The following FABP6 variants were observed in gnomAD, a reference collection of about 807,000 sequenced individuals.
FABP6 encodes the protein gastrotropin.
Under a neutral mutation model 14.9 loss-of-function variants are expected in FABP6, and 13 were observed. The ratio of observed to expected loss-of-function variants is 0.87; its 90% confidence interval spans 0.57 to 1.39. FABP6 has a LOEUF of 1.39. Among genes scored for constraint, FABP6 ranks in the 40% most tolerant of loss-of-function variants. The probability of loss-of-function intolerance (pLI) is 0.00; values close to 1 mark genes in which losing one functional copy is unlikely to be tolerated. For missense variants in FABP6, 161 were observed against 167.2 expected (o/e 0.96, Z 0.20); for synonymous variants, 75 against 63.6 (o/e 1.18, Z -0.85).
At chr5:160,202,252 A>G (rs2113079689) in intron 2 of FABP6, among the ~76,000 whole-genome samples, 1 of 152,290 alleles carries the variant, frequency 6.6e-6, no homozygotes, top group Non-Finnish European at 1.5e-5. Context: ...CAGCATAGAA[A>G]AGGGACCTGA....
intron 1 of FABP6, among the ~76,000 whole-genome samples, chr5:160,194,211 C>T (rs1041558470): frequency 9.8e-5 from 15 of 152,382 alleles, no homozygotes; most frequent in African/African-American, 3.1e-4. Flanking sequence ...ACCAAGCCCA[C>T]GCCCACCGGC....
At chr5:160,189,381 A>G (rs1266840057) in intron 1 of FABP6, among the ~76,000 whole-genome samples, 1 of 151,938 alleles carries the variant, frequency 6.6e-6, no homozygotes, top group African/African-American at 2.4e-5. Context: ...AGCTGGGATT[A>G]CAGGCGCCCA....
intron 1 of FABP6, among the ~76,000 whole-genome samples, chr5:160,191,106 A>AT (rs1554111168): frequency 6.7e-6 from 1 of 148,844 alleles, no homozygotes; most frequent in African/African-American, 2.5e-5. Flanking sequence ...AAAAAAAAAA[A>AT]GCAAATCAGA....
At chr5:160,194,163 G>A (rs946370289) in intron 1 of FABP6, among the ~76,000 whole-genome samples, 2 of 152,212 alleles carry the variant, frequency 1.3e-5, no homozygotes, top group African/African-American at 2.4e-5. Flanking sequence ...ATTGCCCGGG[G>A]CCAGCAGGGC....
Position 160,192,742 on chromosome 5 carries a change from C to A in FABP6, c.-59+5288C>A, listed in dbSNP as rs79084673. On this transcript the variant is annotated intron_variant, in intron 1 of 6. Transcript: ENST00000393980. ...ACAGTAAGGCCAGGCAAGGCGCATG[C>A]GCCCAGGTTCTACTGAAAGGCCGTC... is the stretch of plus-strand genomic sequence containing the variant. Among the ~76,000 whole-genome samples, 109 of 152,344 alleles carry A rather than the reference C, an allele frequency of 7.2e-4. 1 individual carries two copies. Among genetic ancestry groups the A allele is most frequent in the African/African-American group, 2.3e-3 (96 of 41,592 alleles).
In FABP6 at chr5:160,195,455, GTC is replaced by G. The variant is rs529090742; in HGVS notation, c.-58-3582_-58-3581del. ...CTGCCAAGCCTCAAACTTTTTTTCT[GTC>G]TCTCTCTCTCTTTTTGAGACAGGGA... On this transcript the variant is annotated intron_variant, in intron 1 of 6. Transcript: ENST00000393980. 7.2e-5 allele frequency among the ~76,000 whole-genome samples: 11 copies of G among 151,814 alleles called. No individual in the cohort carries two copies. The South Asian group carries it at 2.1e-3, about 29-fold the overall frequency.
chr5:160,193,133 G>C (rs1759432390), intron 1 of FABP6, among the ~76,000 whole-genome samples: 1 of 152,160 alleles, frequency 6.6e-6, no homozygotes, highest in African/African-American at 2.4e-5. Flanking sequence ...TCTTAAGGTG[G>C]CACGTCTGGA....
intron 2 of FABP6, among the ~76,000 whole-genome samples, chr5:160,202,894 C>T (rs1415956077): frequency 1.3e-5 from 2 of 151,840 alleles, no homozygotes; most frequent in Middle Eastern, 3.2e-3. Context: ...AATGGGGTAA[C>T]CAGAGAAGCT....
chr5:160,235,128 A>G (rs889796708), intron 3 of FABP6, among the ~76,000 whole-genome samples: 1 of 152,188 alleles, frequency 6.6e-6, no homozygotes, highest in African/African-American at 2.4e-5. Flanking sequence ...AAGCACAGGG[A>G]TAAGTGAGGG....
chr5:160,226,398 A>T (rs1760247767), upstream of FABP6, among the ~76,000 whole-genome samples: 1 of 151,328 alleles, frequency 6.6e-6, no homozygotes, highest in East Asian at 2.0e-4. Context: ...CGTCTCTACT[A>T]AAGATACAGA....
chr5:160,220,962 G>A (rs1561751136), intron 3 of FABP6, among the ~76,000 whole-genome samples: 1 of 151,760 alleles, frequency 6.6e-6, no homozygotes, highest in Non-Finnish European at 1.5e-5. Context: ...GTCTATGGGG[G>A]CCTGTAATCC....
At chr5:160,217,120 A>G (rs1760027680) in intron 3 of FABP6, among the ~76,000 whole-genome samples, 1 of 152,186 alleles carries the variant, frequency 6.6e-6, no homozygotes, top group Non-Finnish European at 1.5e-5. Context: ...GACTTGGCGC[A>G]TTGCAGGTCC....
chr5:160,204,983 G>C (rs1759730517), intron 2 of FABP6, among the ~76,000 whole-genome samples: 1 of 151,658 alleles, frequency 6.6e-6, no homozygotes, highest in African/African-American at 2.4e-5. Flanking sequence ...AAAGAAAGGG[G>C]GCGTAACAGC....
chr5:160,206,996 C>G (rs1759783190), intron 2 of FABP6, among the ~76,000 whole-genome samples: 1 of 152,264 alleles, frequency 6.6e-6, no homozygotes, highest in Non-Finnish European at 1.5e-5. Context: ...TCAAACAGCT[C>G]TTTTTGTTTT....
chr5:160,234,629 G>A (rs559920268), intron 2 of FABP6, among the ~76,000 whole-genome samples, 191 bp from the exon 3 acceptor site: 125 of 152,130 alleles, frequency 8.2e-4, no homozygotes, highest in African/African-American at 2.8e-3. Flanking sequence ...GTTTCACCAC[G>A]TTGGCCAGGC....
At chr5:160,236,738 G>A (rs1233209086) in intron 3 of FABP6, among the ~76,000 whole-genome samples, 1 of 151,760 alleles carries the variant, frequency 6.6e-6, no homozygotes, top group Non-Finnish European at 1.5e-5. Context: ...TTGGGAGGCT[G>A]AGGCAAGTGG....
intron 3 of FABP6, among the ~76,000 whole-genome samples, chr5:160,219,016 G>C (rs1376710278): frequency 1.3e-5 from 2 of 152,172 alleles, no homozygotes; most frequent in African/African-American, 4.8e-5. Flanking sequence ...AGTAAAACTA[G>C]AAGTATCATC....
At chr5:160,227,457 C>T (rs930865835), upstream of FABP6, among the ~76,000 whole-genome samples, 4 of 140,936 alleles carry the variant, frequency 2.8e-5, no homozygotes, top group East Asian at 2.1e-4. Context: ...AACCTGGGAG[C>T]GGAGGTTGCC....
chr5:160,195,283 CAAAAAAAA>C (rs57229719), intron 1 of FABP6, among the ~76,000 whole-genome samples: 24 of 63,562 alleles, frequency 3.8e-4, no homozygotes, highest in African/African-American at 9.1e-4. Flanking sequence ...GACTCTGTCT[CAAAAAAAA>C]AAAAAAAAAA....
Sources: allele counts gnomAD v4.1 joint callset (sites outside exome capture counted in the v4.1 genomes callset), GRCh38; gene constraint gnomAD v4.1.1; transcripts MANE v1.5; gene names NCBI Gene and HGNC (gene_info 2026-07-23, HGNC 2026-07-21).